The following GABBR2 variants were observed in gnomAD, a reference collection of about 807,000 sequenced individuals.
GABBR2 encodes G-protein coupled receptor 51.
In GABBR2, 23 loss-of-function variants were observed where a neutral mutation model predicts 105.6. The observed-to-expected ratio is 0.22, with a 90% CI of 0.16 to 0.31. The LOEUF (loss-of-function observed/expected upper bound fraction) is 0.31, where lower values mean the gene tolerates loss of function less well. GABBR2 is among the 10% of genes least tolerant of loss of function. The pLI is 1.00. For missense variants in GABBR2, 734 were observed against 1,245.5 expected (o/e 0.59, Z 6.18); for synonymous variants, 478 against 499.7 (o/e 0.96, Z 0.58).
intron 1 of GABBR2, among the ~76,000 whole-genome samples, chr9:98,696,666 C>A (rs1830757325): frequency 6.6e-6 from 1 of 152,142 alleles, no homozygotes. Context: ...GCAAGTATAG[C>A]CTAAATTCAT....
chr9:98,483,670 T>C (rs1457061749), intron 4 of GABBR2, among the ~76,000 whole-genome samples: 1 of 152,164 alleles, frequency 6.6e-6, no homozygotes, highest in Non-Finnish European at 1.5e-5. Context: ...ATTCTGCAAG[T>C]CTATCCCTCC....
intron 3 of GABBR2, among the ~76,000 whole-genome samples, chr9:98,537,608 A>ATTT (rs35175650): frequency 6.6e-6 from 1 of 150,742 alleles, no homozygotes; most frequent in South Asian, 2.1e-4. Flanking sequence ...TAATTTTTGT[A>ATTT]TTTTTTTTTG....
At chr9:98,394,087 TG>T in intron 9 of GABBR2, 87 bp downstream of exon 9, 2 of 913,926 alleles carry the variant, frequency 2.2e-6, no homozygotes. Context: ...AAGCCAAGGA[TG>T]CTGAGCTTGT....
At chr9:98,517,736 T>C (rs1009969202) in intron 3 of GABBR2, among the ~76,000 whole-genome samples, 3 of 152,202 alleles carry the variant, frequency 2.0e-5, no homozygotes, top group Non-Finnish European at 2.9e-5. Context: ...ATTAGAACTT[T>C]CAGATAGGGC....
intron 13 of GABBR2, among the ~76,000 whole-genome samples, chr9:98,354,079 T>A (rs1831446915): frequency 6.6e-6 from 1 of 152,228 alleles, no homozygotes; most frequent in Non-Finnish European, 1.5e-5. Context: ...GGGAACAGAC[T>A]AATACACCAG....
chr9:98,434,556 A>G (rs1273546307), intron 7 of GABBR2, among the ~76,000 whole-genome samples: 1 of 152,192 alleles, frequency 6.6e-6, no homozygotes, highest in Non-Finnish European at 1.5e-5. Flanking sequence ...ACGTAACCTC[A>G]TAGAATAAGA....
intron 4 of GABBR2, among the ~76,000 whole-genome samples, chr9:98,486,359 G>A (rs1400918776): frequency 1.3e-5 from 2 of 152,208 alleles, no homozygotes; most frequent in Non-Finnish European, 2.9e-5. Flanking sequence ...TGAAGTGAAA[G>A]GATATAAATG....
intron 1 of GABBR2, among the ~76,000 whole-genome samples, chr9:98,599,342 A>G (rs1173813760): frequency 1.3e-5 from 2 of 152,232 alleles, no homozygotes; most frequent in Admixed American, 1.3e-4. Flanking sequence ...AAGCAGAACA[A>G]TGAACACCAG....
intron 2 of GABBR2, among the ~76,000 whole-genome samples, chr9:98,542,719 C>G (rs1236778115): frequency 6.6e-6 from 1 of 152,104 alleles, no homozygotes; most frequent in Non-Finnish European, 1.5e-5. Context: ...ATTAGAGGGC[C>G]AGTCTCACCA....
At chr9:98,382,941 G>A (rs983167995) in intron 11 of GABBR2, among the ~76,000 whole-genome samples, 1 of 150,502 alleles carries the variant, frequency 6.6e-6, no homozygotes, top group African/African-American at 2.4e-5. Flanking sequence ...GGCCACCCTT[G>A]TTTTTTTCTT....
intron 5 of GABBR2, among the ~76,000 whole-genome samples, chr9:98,475,720 A>G (rs557271790): frequency 6.0e-4 from 92 of 152,302 alleles, no homozygotes; most frequent in South Asian, 1.2e-3. Context: ...AGTTTTCTCA[A>G]TCTTATAAGG....
chr9:98,301,818 G>A (rs1425118429), intron 16 of GABBR2, among the ~76,000 whole-genome samples: 1 of 152,162 alleles, frequency 6.6e-6, no homozygotes, highest in Non-Finnish European at 1.5e-5. Flanking sequence ...TGGGCTTTGG[G>A]GGACAGAAAC....
intron 6 of GABBR2, among the ~76,000 whole-genome samples, chr9:98,465,120 C>CAAAAAAAAAAA (rs1826519056): frequency 3.7e-4 from 1 of 2,712 alleles, no homozygotes; most frequent in Non-Finnish European, 7.5e-4. Context: ...TCAATAAATA[C>CAAAAAAAAAAA]TAAAAAAAAA....
intron 3 of GABBR2, among the ~76,000 whole-genome samples, chr9:98,498,713 G>A (rs1011293647): frequency 2.6e-5 from 4 of 152,208 alleles, no homozygotes; most frequent in African/African-American, 9.6e-5. Context: ...CGTGAACCTT[G>A]TCCATCCTTC....
Position 98,383,799 on chromosome 9 carries a change from T to A in GABBR2, c.1662+1841A>T, listed in dbSNP as rs971347767. ...GCAAAATCCCCTAGACTGTAAGATC[T>A]TGGGGGGCTTCCCTTCTTTCCATGT... is the stretch of plus-strand genomic sequence containing the variant. On this transcript the variant is annotated intron_variant, in intron 11 of 18. Coordinates refer to ENST00000259455, the MANE Select transcript of GABBR2 (RefSeq NM_005458.8). Among the ~76,000 whole-genome samples the A allele has an allele frequency of 3.9e-5, 6 of 152,314 alleles. No homozygotes were observed. In the South Asian group the frequency reaches 8.3e-4, roughly 21 times the overall value.
intron 14 of GABBR2, among the ~76,000 whole-genome samples, chr9:98,309,297 A>T (rs866858216): frequency 6.6e-6 from 1 of 152,262 alleles, no homozygotes; most frequent in Admixed American, 6.5e-5. Flanking sequence ...TGATCAAAAC[A>T]TTACAAATAA....
At chr9:98,680,446 C>T (rs1266836544) in intron 1 of GABBR2, among the ~76,000 whole-genome samples, 3 of 151,900 alleles carry the variant, frequency 2.0e-5, no homozygotes, top group Non-Finnish European at 2.9e-5. Context: ...GCTGGGACTA[C>T]AGGCGCCCGC....
At chr9:98,350,687 T>C (rs1190946360) in intron 13 of GABBR2, among the ~76,000 whole-genome samples, 1 of 152,210 alleles carries the variant, frequency 6.6e-6, no homozygotes, top group Non-Finnish European at 1.5e-5. Context: ...ATGTTCCATG[T>C]GTTGATGAGA....
chr9:98,450,933 A>G (rs1426060419), intron 7 of GABBR2, among the ~76,000 whole-genome samples: 2 of 152,210 alleles, frequency 1.3e-5, no homozygotes, highest in Non-Finnish European at 2.9e-5. Flanking sequence ...GGCAAAATGC[A>G]GAGTTCTAGG....
Sources: gnomAD v4.1 joint callset for allele counts (sites outside exome capture counted in the v4.1 genomes callset) on GRCh38, gnomAD v4.1.1 for gene constraint, MANE v1.5 for transcripts, NCBI Gene and HGNC (gene_info 2026-07-23, HGNC 2026-07-21) for gene names.